ARHGAP10: variants seen among roughly 807,000 people sequenced by gnomAD.
The protein encoded by ARHGAP10 is rho GTPase-activating protein 10.
ARHGAP10 carries 87 observed loss-of-function variants against 108.6 expected under a neutral mutation model. The observed-to-expected ratio is 0.80, with a 90% CI of 0.67 to 0.96. The LOEUF is 0.96. Among genes scored for constraint, ARHGAP10 ranks in the 40% least tolerant of loss-of-function variants. The pLI is 0.00. For missense variants in ARHGAP10, 939 were observed against 954.5 expected, an observed-to-expected ratio of 0.98 and a Z score of 0.21; for synonymous variants, 347 against 341.1, an observed-to-expected ratio of 1.02 and a Z score of -0.19.
At chr4:148,050,145 G>A (rs1729068614) in intron 20 of ARHGAP10, among the ~76,000 whole-genome samples, 1 of 152,152 alleles carries the variant, frequency 6.6e-6, no homozygotes, top group Non-Finnish European at 1.5e-5. Flanking sequence ...GGGATTACAG[G>A]CGTGAGCTAC....
Position 147,837,955 on chromosome 4 carries a change from T to G in ARHGAP10, c.313-9196T>G, listed in dbSNP as rs144197814. On this transcript the variant is annotated intron_variant, in intron 3 of 22. Transcript: ENST00000336498. ...TCAGACAACTTGAACACGTATACTT[T>G]TAGGTATGCATATGTACATCTGCTA... 1.4e-4 allele frequency among the ~76,000 whole-genome samples: 22 copies of G among 152,290 alleles called. No individual in the cohort carries two copies. The East Asian group carries it at 2.7e-3, about 19-fold the overall frequency.
intron 1 of ARHGAP10, among the ~76,000 whole-genome samples, chr4:147,793,676 C>T (rs1204625643): frequency 6.6e-6 from 1 of 152,188 alleles, no homozygotes; most frequent in Non-Finnish European, 1.5e-5. Flanking sequence ...TACTGCTCAA[C>T]TGTCCAGGAA....
intron 1 of ARHGAP10, among the ~76,000 whole-genome samples, chr4:147,821,397 C>T (rs1331407101): frequency 1.3e-5 from 2 of 152,168 alleles, no homozygotes; most frequent in African/African-American, 4.8e-5. Context: ...CCCATTTCAC[C>T]TTATGCTTGG....
At position 148,046,987 on chromosome 4, in the gene ARHGAP10, C is replaced by T; in HGVS notation, c.1963C>T (p.Pro655Ser). ...SPVTTAVPGPPGPDKNHLLAD... is the reference protein window; with the variant it reads ...SPVTTAVPGPSGPDKNHLLAD... ...CGTGACTACAGCTGTCCCTGGGCCTCCTGGACCAGACAAAAACCACCTTCT... is the reference window on the plus strand; with the variant it reads ...CGTGACTACAGCTGTCCCTGGGCCTTCTGGACCAGACAAAAACCACCTTCT... The change falls in exon 20 of 23, where the codon CCT (proline) becomes TCT (serine). Residue 655 changes from proline to serine, a missense_variant. Pro to Ser is a moderately conservative substitution (Grantham distance 74). Transcript: ENST00000336498. The T allele has an allele frequency of 3.1e-6, 5 of 1,614,164 alleles. No homozygotes were observed. Among genetic ancestry groups the T allele is most frequent in the South Asian group, 1.1e-5 (1 of 91,062 alleles).
chr4:147,768,422 C>T (rs1329627898), intron 1 of ARHGAP10, among the ~76,000 whole-genome samples: 2 of 151,714 alleles, frequency 1.3e-5, no homozygotes, highest in South Asian at 2.1e-4. Context: ...CTAAAGATTC[C>T]GCTGTTAACA....
chr4:147,954,313 G>A (rs1329135950), intron 15 of ARHGAP10, among the ~76,000 whole-genome samples: 1 of 151,938 alleles, frequency 6.6e-6, no homozygotes, highest in African/African-American at 2.4e-5. Flanking sequence ...GATTATAGTT[G>A]TGGATTTGCC....
rs1735231912 is a variant in ARHGAP10, at chr4:147,879,336, C to T, written c.937C>T (p.Leu313Phe). The stretch of plus-strand genomic sequence containing the variant: ...ATTTGAGCACAGATCTGGAGGGAAA[C>T]TTGTAAGTATTTGATTCAACATAGA... ...IPFEHRSGGKLGDGEVFFLKE... is the reference protein window; with the variant it reads ...IPFEHRSGGKFGDGEVFFLKE... The change falls in exon 9 of 23, where the codon CTT becomes TTT. Residue 313 changes from leucine to phenylalanine, a missense_variant and splice_region_variant. By Grantham distance (22) the Leu-to-Phe change is conservative (BLOSUM62 0). Coordinates refer to ENST00000336498, the MANE Select transcript of ARHGAP10 (RefSeq NM_024605.4). The T allele has an allele frequency of 6.2e-7, 1 of 1,612,100 alleles. No homozygotes were observed. Among genetic ancestry groups the T allele is most frequent in the Non-Finnish European group, 8.5e-7 (1 of 1,178,716 alleles).
intron 1 of ARHGAP10, among the ~76,000 whole-genome samples, chr4:147,769,245 G>T (rs1288676892): frequency 6.6e-6 from 1 of 151,992 alleles, no homozygotes; most frequent in South Asian, 2.1e-4. Context: ...AAAAATGAAG[G>T]TATCCATCAT....
intron 22 of ARHGAP10, among the ~76,000 whole-genome samples, chr4:148,068,133 T>C (rs972108398): frequency 3.9e-5 from 6 of 152,174 alleles, no homozygotes; most frequent in African/African-American, 1.4e-4. Flanking sequence ...TCCTGCTGTG[T>C]CTTTCCAGTC....
chr4:148,031,421 G>A (rs1728144740), intron 19 of ARHGAP10, among the ~76,000 whole-genome samples: 1 of 152,130 alleles, frequency 6.6e-6, no homozygotes, highest in East Asian at 1.9e-4. Context: ...CTATTTTATA[G>A]TTCAGGAAAC....
At chr4:147,795,042 G>A (rs1213998898) in intron 1 of ARHGAP10, among the ~76,000 whole-genome samples, 1 of 152,126 alleles carries the variant, frequency 6.6e-6, no homozygotes. Context: ...TTCCTTTGTG[G>A]CTTTCTTTGT....
chr4:148,061,571 G>C (rs1345335529), intron 20 of ARHGAP10, among the ~76,000 whole-genome samples: 3 of 151,840 alleles, frequency 2.0e-5, no homozygotes, highest in African/African-American at 7.3e-5. Context: ...CCAGATGAAT[G>C]GCTGGATAAG....
At chr4:147,998,380 G>A (rs1021897949) in intron 18 of ARHGAP10, among the ~76,000 whole-genome samples, 3 of 152,208 alleles carry the variant, frequency 2.0e-5, no homozygotes, top group Non-Finnish European at 4.4e-5. Context: ...AAAAGCACCA[G>A]AGTCAGATAT....
intron 1 of ARHGAP10, among the ~76,000 whole-genome samples, chr4:147,756,043 C>A (rs1272355396): frequency 6.7e-6 from 1 of 148,800 alleles, no homozygotes; most frequent in East Asian, 2.0e-4. Context: ...GGCTAGTTGT[C>A]AGTGGTGAGG....
At chr4:147,740,478 G>T (rs1334055226) in intron 1 of ARHGAP10, among the ~76,000 whole-genome samples, 1 of 152,128 alleles carries the variant, frequency 6.6e-6, no homozygotes, top group East Asian at 1.9e-4. Flanking sequence ...TAGAGTGTGT[G>T]TACATTTGAT....
intron 19 of ARHGAP10, among the ~76,000 whole-genome samples, chr4:148,026,596 G>T (rs1309723722): frequency 6.6e-6 from 1 of 152,098 alleles, no homozygotes; most frequent in African/African-American, 2.4e-5. Context: ...CTAGTTACTT[G>T]CTTAAGCTTC....
rs150772434 is a variant in ARHGAP10, at chr4:147,739,043, C to T, written c.154+6588C>T. On this transcript the variant is annotated intron_variant, in intron 1 of 22. Coordinates refer to ENST00000336498, the MANE Select transcript of ARHGAP10 (RefSeq NM_024605.4). The stretch of plus-strand genomic sequence containing the variant: ...ACTAAAAATACAAAAAAAAATTAGC[C>T]GGGTCTGGTGGCAGGCGCCTGTAAT... Among the ~76,000 whole-genome samples the T allele has an allele frequency of 2.7e-4, 40 of 149,896 alleles. No homozygotes were observed. In the South Asian group the frequency reaches 5.1e-3, roughly 19 times the overall value.
intron 18 of ARHGAP10, among the ~76,000 whole-genome samples, chr4:147,988,054 C>T (rs1168221340): frequency 6.6e-6 from 1 of 152,190 alleles, no homozygotes; most frequent in Non-Finnish European, 1.5e-5. Flanking sequence ...ATAGTTTACT[C>T]AGTGAGTTTG....
At chr4:148,029,170 T>C (rs1682935954) in intron 19 of ARHGAP10, among the ~76,000 whole-genome samples, 1 of 152,184 alleles carries the variant, frequency 6.6e-6, no homozygotes, top group Admixed American at 6.5e-5. Context: ...TACTAAAATA[T>C]TCCATGTGCT....
Sources: gnomAD v4.1 joint callset for allele counts (sites outside exome capture counted in the v4.1 genomes callset) on GRCh38, gnomAD v4.1.1 for gene constraint, MANE v1.5 for transcripts, NCBI Gene and HGNC (gene_info 2026-07-23, HGNC 2026-07-21) for gene names.